Variants in WWC1 observed in about 807,000 individuals in gnomAD.
WWC1 encodes protein KIBRA.
In WWC1, 55 loss-of-function variants were observed where a neutral mutation model predicts 138.4. The ratio of observed to expected loss-of-function variants is 0.40; its 90% confidence interval spans 0.32 to 0.50. The LOEUF is 0.50. Ranked by LOEUF, WWC1 falls within the 20% of genes least tolerant of loss-of-function variation. WWC1 has a pLI of 0.72. For missense variants in WWC1, 1,226 were observed against 1,420.4 expected (o/e 0.86, Z 2.20); for synonymous variants, 524 against 564.9 (o/e 0.93, Z 1.03).
At chr5:168,392,205 G>A (rs990506065) in intron 3 of WWC1, among the ~76,000 whole-genome samples, 1 of 152,086 alleles carries the variant, frequency 6.6e-6, no homozygotes, top group African/African-American at 2.4e-5. Flanking sequence ...CTGAAAGCAC[G>A]AGTAAGTGAA....
At position 168,435,553 on chromosome 5, in the gene WWC1, G is replaced by A. The variant is rs151005158; in HGVS notation, c.2280+4109G>A. On this transcript the variant is annotated intron_variant, in intron 15 of 22. Transcript: ENST00000265293. ...AGCCTCTCCCATAGCTGGGACTACA[G>A]GCACATGCCACCATGGCCGGCTAAT... Among the ~76,000 whole-genome samples the A allele has an allele frequency of 7.2e-5, 11 of 152,190 alleles. 1 individual carries two copies. Among genetic ancestry groups the A allele is most frequent in the Middle Eastern group, 3.4e-3 (1 of 292 alleles).
chr5:168,313,357 G>A (rs543969026), intron 1 of WWC1, among the ~76,000 whole-genome samples: 4 of 152,048 alleles, frequency 2.6e-5, no homozygotes, highest in Non-Finnish European at 5.9e-5. Flanking sequence ...TTGGGAGGCC[G>A]AGATGGGTGG....
At chr5:168,350,369 G>A (rs1406873659) in intron 1 of WWC1, among the ~76,000 whole-genome samples, 2 of 152,204 alleles carry the variant, frequency 1.3e-5, no homozygotes, top group African/African-American at 4.8e-5. Flanking sequence ...AGAATCTTTA[G>A]AGAGGTGGGT....
intron 19 of WWC1, among the ~76,000 whole-genome samples, chr5:168,458,194 C>T (rs1409113414): frequency 6.6e-6 from 1 of 152,188 alleles, no homozygotes; most frequent in Non-Finnish European, 1.5e-5. Flanking sequence ...TCTGTGTAAT[C>T]TAATCTTACA....
intron 4 of WWC1, 86 bp downstream of exon 4, chr5:168,397,886 A>G: frequency 6.9e-7 from 1 of 1,447,098 alleles, no homozygotes; most frequent in Non-Finnish European, 9.7e-7. Context: ...ACCAGAACAG[A>G]TGCTCCAGCC....
At chr5:168,415,860 T>G in intron 9 of WWC1, 3 of 118,378 alleles carry the variant, frequency 2.5e-5, no homozygotes, top group Non-Finnish European at 4.9e-5. Context: ...GTGGCATATG[T>G]GGTGTGTGTG....
intron 6 of WWC1, among the ~76,000 whole-genome samples, chr5:168,406,814 C>T (rs968327014): frequency 2.6e-5 from 4 of 151,634 alleles, no homozygotes; most frequent in African/African-American, 7.3e-5. Context: ...CAGTGGCGGG[C>T]GCCTGTAGTC....
intron 21 of WWC1, 72 bp downstream of exon 21, chr5:168,465,034 A>G: frequency 6.5e-7 from 1 of 1,542,136 alleles, no homozygotes; most frequent in Admixed American, 2.0e-5. Context: ...GCCCCGGGGA[A>G]GAGAGGCCAG....
At chr5:168,408,062 C>A (rs1380965821) in intron 6 of WWC1, among the ~76,000 whole-genome samples, 1 of 142,418 alleles carries the variant, frequency 7.0e-6, no homozygotes, top group Non-Finnish European at 1.5e-5. Context: ...AGATGGGAGT[C>A]CCACTGTGTT....
Position 168,395,435 on chromosome 5 carries a change from A to G in WWC1, c.434-2289A>G, listed in dbSNP as rs138874601. 3.3e-3 allele frequency among the ~76,000 whole-genome samples: 497 copies of G among 152,300 alleles called. 2 individuals are homozygous for G. Among genetic ancestry groups the G allele is most frequent in the African/African-American group, 0.012 (478 of 41,560 alleles). ...GTGAGAAATGGTGTTAACTGTCTTA[A>G]TATTTTGTTGAAAGGACCTATTTGG... On this transcript the variant is annotated intron_variant, in intron 3 of 22. Transcript: ENST00000265293.
At chr5:168,336,164 A>T (rs1347350353) in intron 1 of WWC1, among the ~76,000 whole-genome samples, 3 of 152,100 alleles carry the variant, frequency 2.0e-5, no homozygotes, top group African/African-American at 7.2e-5. Context: ...ACAAAACCCA[A>T]TTTGAGAAAC....
At chr5:168,414,104 G>A in intron 8 of WWC1, 1 of 512,266 alleles carries the variant, frequency 2.0e-6, no homozygotes, top group South Asian at 2.2e-5. Flanking sequence ...ACCAGGAACA[G>A]GGCAAGGACA....
intron 1 of WWC1, among the ~76,000 whole-genome samples, chr5:168,319,685 G>A (rs1771899207): frequency 1.3e-5 from 2 of 152,134 alleles, no homozygotes; most frequent in South Asian, 4.1e-4. Context: ...ACTTTTAGTA[G>A]AGACAAGGTT....
At chr5:168,356,358 G>A (rs757866354) in intron 1 of WWC1, among the ~76,000 whole-genome samples, 5 of 152,272 alleles carry the variant, frequency 3.3e-5, no homozygotes, top group African/African-American at 4.8e-5. Flanking sequence ...AAGCTCTCAC[G>A]GCTGTGAACC....
chr5:168,414,454 C>G lies in WWC1; in HGVS notation c.1048C>G (p.Leu350Val). The change falls in exon 9 of 23, where the codon CTG (leucine) becomes GTG (valine). Residue 350 changes from leucine (L) to valine (V), a missense_variant. Coordinates refer to ENST00000265293, the MANE Select transcript of WWC1 (RefSeq NM_015238.3). ...RLILINEKEE[L>V]LKEMRFISPR... ...GATCCTTATCAACGAGAAGGAGGAG[C>G]TGCTGAAGGAGATGCGCTTCATCAG... The G allele has an allele frequency of 1.3e-6, 2 of 1,577,996 alleles. No homozygotes were observed. Among genetic ancestry groups the G allele is most frequent in the Non-Finnish European group, 1.7e-6 (2 of 1,161,012 alleles).
At chr5:168,460,597 C>T in intron 19 of WWC1, 53 bp from the exon 20 acceptor site, 1 of 1,575,858 alleles carries the variant, frequency 6.3e-7, no homozygotes, top group South Asian at 1.1e-5. Context: ...TTCAGTGCAC[C>T]TTCCAGAATG....
At chr5:168,333,669 A>G (rs1773219523) in intron 1 of WWC1, among the ~76,000 whole-genome samples, 1 of 152,070 alleles carries the variant, frequency 6.6e-6, no homozygotes. Flanking sequence ...AGTGCAGGAG[A>G]GGGACATTTG....
At chr5:168,334,598 A>G (rs539473111) in intron 1 of WWC1, among the ~76,000 whole-genome samples, 31 of 152,112 alleles carry the variant, frequency 2.0e-4, no homozygotes, top group Admixed American at 3.3e-4. Flanking sequence ...GCTGCTTTGT[A>G]GAATTGCCCA....
chr5:168,456,141 G>A (rs936577426), intron 19 of WWC1, among the ~76,000 whole-genome samples: 25 of 151,502 alleles, frequency 1.7e-4, no homozygotes, highest in African/African-American at 5.1e-4. Flanking sequence ...CTCCGCCTAA[G>A]AAAAAGTTAA....
Sources: gnomAD v4.1 joint callset for allele counts (sites outside exome capture counted in the v4.1 genomes callset) on GRCh38, gnomAD v4.1.1 for gene constraint, MANE v1.5 for transcripts, NCBI Gene and HGNC (gene_info 2026-07-23, HGNC 2026-07-21) for gene names.